TMEM184A: variants seen among roughly 807,000 people sequenced by gnomAD.
TMEM184A encodes sexually dimorphic, expressed in male gonads 1.
Under a neutral mutation model 39.5 loss-of-function variants are expected in TMEM184A, and 40 were observed. That is an observed-to-expected ratio of 1.01 (90% CI 0.79 to 1.32). The LOEUF (loss-of-function observed/expected upper bound fraction) is 1.32, where lower values mean the gene tolerates loss of function less well. TMEM184A is among the 40% of genes most tolerant of loss of function. The pLI is 0.00. For synonymous variants in TMEM184A, 280 were observed against 252.3 expected, an observed-to-expected ratio of 1.11 and a Z score of -1.04; for missense variants, 603 against 568.8, an observed-to-expected ratio of 1.06 and a Z score of -0.61.
chr7:1,551,561 C>T (rs1418172480), intron 2 of TMEM184A, among the ~76,000 whole-genome samples: 1 of 152,202 alleles, frequency 6.6e-6, no homozygotes, highest in Non-Finnish European at 1.5e-5. Flanking sequence ...TACGTATTTA[C>T]TATAGAAGTA....
intron 2 of TMEM184A, among the ~76,000 whole-genome samples, chr7:1,554,984 T>C (rs946601553): frequency 4.6e-5 from 7 of 152,106 alleles, no homozygotes; most frequent in African/African-American, 1.7e-4. Flanking sequence ...GTCTGTGAAA[T>C]GGGACCACAC....
At chr7:1,548,370 A>T in intron 7 of TMEM184A, 149 bp downstream of exon 7, 2 of 942,074 alleles carry the variant, frequency 2.1e-6, no homozygotes, top group Non-Finnish European at 3.1e-6. Context: ...TCATGCCCGC[A>T]GGTTCTACCC....
Position 1,550,201 on chromosome 7 carries a change from GC to G in TMEM184A, c.477-4del, listed in dbSNP as rs1679517550. 6.2e-7 allele frequency: 1 copy of G among 1,606,992 alleles called. No homozygotes were observed. The highest frequency in any genetic ancestry group is 1.3e-5 in the African/African-American group (1 of 74,838). On this transcript the variant is annotated splice_region_variant and splice_polypyrimidine_tract_variant and intron_variant, in intron 4 of 8. Coordinates refer to ENST00000297477, the MANE Select transcript of TMEM184A (RefSeq NM_001097620.2). ...AGGTGCCGTACAAGCAGCTGGACCT[GC>G]GGGGGACGTCCCTGAGCCGGTGCGG...
At chr7:1,551,273 G>A (rs1331703126) in intron 2 of TMEM184A, among the ~76,000 whole-genome samples, 16 of 138,802 alleles carry the variant, frequency 1.2e-4, no homozygotes, top group African/African-American at 2.8e-4. Flanking sequence ...GGGGGTGGGC[G>A]CAGGAGGGTT....
rs1784237713 is a variant in TMEM184A at position 1,543,020 on chromosome 7, A to G, written c.*3932T>C. ...GCTGTGACTGCTTTTGTACCTTTGC[A>G]ATAAAGAATTTTCTGGTTTCAGACC... On this transcript the variant is annotated 3_prime_UTR_variant, in exon 9 of 9. Transcript: ENST00000297477. 1 of 152,488 alleles carries G rather than the reference A, an allele frequency of 6.6e-6. No homozygotes were observed. The highest frequency in any genetic ancestry group is 2.1e-4 in the South Asian group (1 of 4,822). 9.4% of individuals were successfully genotyped at this position (152,488 alleles called of 1,614,324 possible).
chr7:1,551,782 C>T (rs1784610474), intron 2 of TMEM184A, among the ~76,000 whole-genome samples: 1 of 151,916 alleles, frequency 6.6e-6, no homozygotes, highest in Non-Finnish European at 1.5e-5. Context: ...ACTAAATACA[C>T]AAAAATTAGC....
rs1405616271 is a variant in TMEM184A, at chr7:1,544,469, C to T, written c.*2483G>A. 1 of 152,370 alleles carries T rather than the reference C, an allele frequency of 6.6e-6. No homozygotes were observed. The highest frequency in any genetic ancestry group is 2.4e-5 in the African/African-American group (1 of 41,468). The allele number at this position is 152,370 out of a possible 1,614,324, so 9.4% of individuals were successfully genotyped here. On this transcript the variant is annotated 3_prime_UTR_variant, in exon 9 of 9. Coordinates refer to ENST00000297477, the MANE Select transcript of TMEM184A (RefSeq NM_001097620.2). ...GCTCCTGCCTGCCTCATGGCCTGCT[C>T]CTCTGTCGGGGCCTGTCACCGGGAA...
At position 1,550,917 on chromosome 7, in the gene TMEM184A, G is replaced by A. The variant is rs1482944191; in HGVS notation, c.285C>T (p.Leu95=). The change falls in exon 3 of 9, where the codon CTC becomes CTT. Residue 95 remains leucine (L), a synonymous_variant. Transcript: ENST00000297477. ...QEQRYIIRLL[L]IVPIYAFDSW... ...AGTCGAAGGCGTAGATGGGCACGAT[G>A]AGGAGCAGGCGGATGATGTAACGTT... 6 of 1,613,762 alleles carry A rather than the reference G, an allele frequency of 3.7e-6. No homozygotes were observed. The highest frequency in any genetic ancestry group is 2.2e-5 in the East Asian group (1 of 44,894).
chr7:1,549,894 T>C lies in TMEM184A; in HGVS notation c.604A>G (p.Ile202Val). 1 of 1,611,992 alleles carries C rather than the reference T, an allele frequency of 6.2e-7. No homozygotes were observed. The highest frequency in any genetic ancestry group is 8.5e-7 in the Non-Finnish European group (1 of 1,179,156). Residue 202 changes from isoleucine (I) to valine (V), a missense_variant, in exon 6 of 9, where the codon ATC becomes GTC. Coordinates refer to ENST00000297477, the MANE Select transcript of TMEM184A (RefSeq NM_001097620.2). ...TGGTATTTGCCAAATGCCTGGAGGA[T>C]GATGGTGGTGACGGCCATGACGGGC... ...VKPVMAVTTI[I>V]LQAFGKYHDG...
At position 1,555,407 on chromosome 7, in the gene TMEM184A, TG is replaced by T. The variant is rs757773044; in HGVS notation, c.77del (p.Pro26HisfsTer111). On this transcript the variant is annotated frameshift_variant, in exon 2 of 9. Transcript: ENST00000297477. LOFTEE classifies it high-confidence loss of function. This position sits in a 1 kb window ranked among gnomAD's most constrained non-coding sequence, Gnocchi z 5.2. ...VSANWPQPSPPPAVPAGPQMD... is the reference protein window; with the variant it reads ...VSANWPQPSPXPAVPAGPQMD... ...TCTGCGGCCCAGCTGGCACAGCCGGTGGGGGGCTGGGCTGCGGCCAGTTCGC... is the reference window on the plus strand; with the variant it reads ...TCTGCGGCCCAGCTGGCACAGCCGGTGGGGGCTGGGCTGCGGCCAGTTCGC... The T allele has an allele frequency of 2.5e-6, 4 of 1,610,976 alleles. No homozygotes were observed. The highest frequency in any genetic ancestry group is 1.3e-5 in the African/African-American group (1 of 74,656).
In TMEM184A at chr7:1,548,487, G is replaced by A. The variant is rs999829626; in HGVS notation, c.814+32C>T. On this transcript the variant is annotated intron_variant, in intron 7 of 8. Transcript: ENST00000297477. ...CTCACTGGACTGCAGCCCCCACCTC[G>A]GTAGCACCCCTGCCCCACCTGCCCC... The A allele has an allele frequency of 9.4e-6, 15 of 1,592,060 alleles. No homozygotes were observed. In the East Asian group the frequency reaches 1.6e-4, roughly 17 times the overall value.
Position 1,551,319 on chromosome 7 carries a change from A to C in TMEM184A, c.220-337T>G, listed in dbSNP as rs10238852. ...CCAGGTCCGCCTGGTACCCCTGCAC[A>C]AGCCCAGGTGAGCCGGGAAGGAGGT... On this transcript the variant is annotated intron_variant, in intron 2 of 8. Coordinates refer to ENST00000297477, the MANE Select transcript of TMEM184A (RefSeq NM_001097620.2). Among the ~76,000 whole-genome samples the C allele has an allele frequency of 4.7e-3, 329 of 69,314 alleles. 16 individuals are homozygous for C. Among genetic ancestry groups the C allele is most frequent in the African/African-American group, 0.029 (275 of 9,602 alleles). The allele number at this position is 69,314 out of a possible 152,430, so 45.5% of individuals were successfully genotyped here.
chr7:1,548,896 G>A, intron 6 of TMEM184A: 1 of 706,774 alleles, frequency 1.4e-6, no homozygotes. Flanking sequence ...CCTATGCAGG[G>A]GTAGGGCAGG....
intron 2 of TMEM184A, among the ~76,000 whole-genome samples, chr7:1,553,667 T>G (rs1784690643): frequency 6.6e-6 from 1 of 151,944 alleles, no homozygotes; most frequent in Non-Finnish European, 1.5e-5. Flanking sequence ...CAGACTCTTA[T>G]CAGTCACACG....
rs1182633109 is a variant in TMEM184A at position 1,550,138 on chromosome 7, C to T, written c.537G>A (p.Leu179=). ...GGCCCCTCACCTGCTTACAGAAGCG[C>T]AGGAACCCGATGGAGTAGGTCATGC... is the stretch of plus-strand genomic sequence containing the variant. ...LRGMTYSIGF[L]RFCKQATLQF... The change falls in exon 5 of 9, where the codon CTG becomes CTA. Residue 179 remains leucine, a synonymous_variant. Coordinates refer to ENST00000297477, the MANE Select transcript of TMEM184A (RefSeq NM_001097620.2). 6.2e-7 allele frequency: 1 copy of T among 1,606,128 alleles called. No individual in the cohort carries two copies. The highest frequency in any genetic ancestry group is 8.5e-7 in the Non-Finnish European group (1 of 1,177,154).
chr7:1,544,012 G>A lies in TMEM184A; in HGVS notation c.*2940C>T, dbSNP rs1562551165. The A allele has an allele frequency of 6.6e-6, 1 of 152,334 alleles. No homozygotes were observed. Among genetic ancestry groups the A allele is most frequent in the Non-Finnish European group, 1.5e-5 (1 of 68,118 alleles). 9.4% of individuals were successfully genotyped at this position (152,334 alleles called of 1,614,324 possible). A position where few individuals can be genotyped will look rare whatever the true frequency, so the allele number is the denominator to read the frequency against. ...CCTTGCTTCCTGTGAGTTGGGTGTG[G>A]AGGTGAGTGTGCAACAGCTGGCACA... On this transcript the variant is annotated 3_prime_UTR_variant, in exon 9 of 9. Coordinates refer to ENST00000297477, the MANE Select transcript of TMEM184A (RefSeq NM_001097620.2).
intron 8 of TMEM184A, among the ~76,000 whole-genome samples, 154 bp from the exon 9 acceptor site, chr7:1,547,335 A>G (rs1352498280): frequency 1.3e-5 from 2 of 151,810 alleles, no homozygotes; most frequent in East Asian, 3.9e-4. Context: ...ACCCCAGCCC[A>G]GCTTGCTCCA....
In TMEM184A at chr7:1,555,290, A is replaced by G. The variant is rs774779140; in HGVS notation, c.195T>C (p.Thr65=). 2 of 1,607,398 alleles carry G rather than the reference A, an allele frequency of 1.2e-6. No individual in the cohort carries two copies. Among genetic ancestry groups the G allele is most frequent in the Non-Finnish European group, 1.7e-6 (2 of 1,177,188 alleles). ...ARGVSGIFVW[T]ALVLTCHQIY... is the part of the protein sequence containing the mutation. The stretch of plus-strand genomic sequence containing the variant: ...CCTGGTGGCAGGTGAGCACCAGGGC[A>G]GTCCACACGAAGATCCCCGAGACGC... Residue 65 remains threonine (T), a synonymous_variant, in exon 2 of 9, where the codon ACT becomes ACC. Transcript: ENST00000297477. The surrounding 1 kb of genome is among the most constrained non-coding windows in gnomAD (Gnocchi z 5.2).
intron 7 of TMEM184A, 145 bp from the exon 8 acceptor site, chr7:1,548,084 G>C (rs971587400): frequency 4.1e-6 from 4 of 972,600 alleles, no homozygotes; most frequent in African/African-American, 1.6e-5. Flanking sequence ...TGAGGTTCAG[G>C]GGGGCAGGGC....
Sources: gnomAD v4.1 joint callset for allele counts (sites outside exome capture counted in the v4.1 genomes callset) on GRCh38, gnomAD v4.1.1 for gene constraint, Gnocchi (gnomAD v3.1) non-coding constraint, MANE v1.5 for transcripts, NCBI Gene and HGNC (gene_info 2026-07-23, HGNC 2026-07-21) for gene names.